The following IL3RA variants were observed in gnomAD, a reference collection of about 807,000 sequenced individuals.
IL3RA encodes interleukin 3 receptor subunit alpha, also known as interleukin-3 receptor subunit alpha.
A neutral mutation model predicts 52.3 loss-of-function variants in IL3RA; 73 were observed. The ratio of observed to expected loss-of-function variants is 1.40; its 90% confidence interval spans 1.16 to 1.70. The LOEUF (loss-of-function observed/expected upper bound fraction) is 1.70. IL3RA is among the 40% of genes most tolerant of loss of function. IL3RA has a pLI of 0.00. For synonymous variants in IL3RA, 260 were observed against 194.0 expected (o/e 1.34, Z -2.83); for missense variants, 664 against 504.4 (o/e 1.32, Z -3.03).
chrX:1,352,136 G>C lies in IL3RA; in HGVS notation c.335G>C (p.Cys112Ser), dbSNP rs749268568. 6.2e-7 allele frequency: 1 copy of C among 1,613,834 alleles called. No homozygotes were observed. Among genetic ancestry groups the C allele is most frequent in the Non-Finnish European group, 8.5e-7 (1 of 1,179,812 alleles). Reference protein sequence around the residue: ...KPWAGAENLTCWIHDVDFLSC... With the variant: ...KPWAGAENLTSWIHDVDFLSC... The stretch of plus-strand genomic sequence containing the variant: ...TGGGCAGGTGCGGAGAATCTGACCT[G>C]CTGGATTCATGACGTGGATTTCTTG... Residue 112 changes from cysteine to serine, a missense_variant, in exon 5 of 12, where the codon TGC becomes TCC. By Grantham distance (112) the Cys-to-Ser change is moderately radical. Coordinates refer to ENST00000331035, the MANE Select transcript of IL3RA (RefSeq NM_002183.4).
At chrX:1,381,968 C>T (rs73178972) in intron 11 of IL3RA, among the ~76,000 whole-genome samples, 4,018 of 150,728 alleles carry the variant, frequency 0.027, 72 homozygotes, top group Middle Eastern at 0.054. Context: ...GTTTTTGAGA[C>T]GCAGTTTTGT....
intron 10 of IL3RA, among the ~76,000 whole-genome samples, chrX:1,379,032 G>C (rs1182892250): frequency 6.6e-6 from 1 of 152,014 alleles, no homozygotes; most frequent in South Asian, 2.1e-4. Flanking sequence ...TAGTAGAGAC[G>C]GGGTTTTGCC....
chrX:1,365,257 G>A lies in IL3RA; in HGVS notation c.874+5G>A, dbSNP rs765787040. On this transcript the variant is annotated splice_donor_5th_base_variant and intron_variant, in intron 9 of 11. Coordinates refer to ENST00000331035, the MANE Select transcript of IL3RA (RefSeq NM_002183.4). ...GGAGCACCCCCCAGCGCTTCGGTGA[G>A]TGGGCTGTGCGGGGTGCGCGGGGTG... 5 of 1,601,336 alleles carry A rather than the reference G, an allele frequency of 3.1e-6. No homozygotes were observed. Among genetic ancestry groups the A allele is most frequent in the Non-Finnish European group, 4.3e-6 (5 of 1,172,220 alleles).
chrX:1,367,658 G>C (rs1423421766), intron 9 of IL3RA, among the ~76,000 whole-genome samples: 2 of 109,356 alleles, frequency 1.8e-5, no homozygotes, highest in African/African-American at 7.4e-5. Context: ...GGGTGCGCGG[G>C]GTGAGCCGGG....
chrX:1,377,667 G>GTT (rs754580891), intron 9 of IL3RA, among the ~76,000 whole-genome samples: 5 of 135,926 alleles, frequency 3.7e-5, no homozygotes, highest in African/African-American at 5.4e-5. Flanking sequence ...ATAGATGTAT[G>GTT]TTTTTTTTTT....
intron 4 of IL3RA, 60 bp downstream of exon 4, chrX:1,348,605 T>C (rs1464158328): frequency 1.7e-6 from 2 of 1,191,576 alleles, no homozygotes; most frequent in Non-Finnish European, 1.3e-6. Flanking sequence ...CCTCTCTCCC[T>C]CCCTCTCGCC....
chrX:1,382,522 C>T lies in IL3RA; in HGVS notation c.*57C>T. On this transcript the variant is annotated 3_prime_UTR_variant, in exon 12 of 12. Coordinates refer to ENST00000331035, the MANE Select transcript of IL3RA (RefSeq NM_002183.4). Reference sequence around the variant, plus strand: ...TCAATCTCCCTGGCCGGGCCAGGCGCCTGCACAGACTGGCTGCTGGACCTG... The same window carrying T: ...TCAATCTCCCTGGCCGGGCCAGGCGTCTGCACAGACTGGCTGCTGGACCTG... The T allele has an allele frequency of 1.3e-6, 2 of 1,488,672 alleles. No homozygotes were observed. Among genetic ancestry groups the T allele is most frequent in the Admixed American group, 3.3e-5 (2 of 59,830 alleles). The allele number at this position is 1,488,672 out of a possible 1,614,324, so 92.2% of individuals were successfully genotyped here. A position where few individuals can be genotyped will look rare whatever the true frequency, so the allele number is the denominator to read the frequency against.
Position 1,348,525 on chromosome X carries a change from G to C in IL3RA, c.278G>C (p.Trp93Ser). 1.2e-6 allele frequency: 2 copies of C among 1,613,328 alleles called. No homozygotes were observed. Among genetic ancestry groups the C allele is most frequent in the Non-Finnish European group, 1.7e-6 (2 of 1,179,434 alleles). The change falls in exon 4 of 12, where the codon TGG (tryptophan) becomes TCG (serine). Residue 93 changes from tryptophan (W) to serine (S), a missense_variant. By Grantham distance (177) the Trp-to-Ser change is radical. Transcript: ENST00000331035. ...GTGGCCAACCCACCATTCTCCACGTGGATCCTCTTCCCTGAGAACAGTGAG... is the reference window on the plus strand; with the variant it reads ...GTGGCCAACCCACCATTCTCCACGTCGATCCTCTTCCCTGAGAACAGTGAG... ...VRVANPPFST[W>S]ILFPENSGKP...
At chrX:1,355,506 A>T (rs1384119063) in intron 6 of IL3RA, among the ~76,000 whole-genome samples, 7 of 147,540 alleles carry the variant, frequency 4.7e-5, no homozygotes, top group African/African-American at 1.8e-4. Context: ...ACTTCCTTCC[A>T]GGGGCCCAGG....
chrX:1,344,158 G>C, intron 2 of IL3RA, among the ~76,000 whole-genome samples: 1 of 152,196 alleles, frequency 6.6e-6, no homozygotes, highest in Non-Finnish European at 1.5e-5. Flanking sequence ...TCCCAGCCAG[G>C]CTCAGTAACT....
intron 7 of IL3RA, among the ~76,000 whole-genome samples, chrX:1,356,613 CGAAA>C (rs1477118610): frequency 6.6e-6 from 1 of 151,738 alleles, no homozygotes; most frequent in Admixed American, 6.6e-5. Flanking sequence ...ACTAAAAATA[CGAAA>C]AAAAATTAGC....
At chrX:1,351,543 G>A (rs1184283531) in intron 4 of IL3RA, among the ~76,000 whole-genome samples, 9 of 151,244 alleles carry the variant, frequency 6.0e-5, no homozygotes, top group African/African-American at 1.7e-4. Context: ...TAGCCAGGCC[G>A]GTCTCGAACT....
chrX:1,365,238 C>T lies in IL3RA; in HGVS notation c.860C>T (p.Thr287Ile), dbSNP rs200892999. 4.4e-6 allele frequency: 7 copies of T among 1,603,902 alleles called. No individual in the cohort carries two copies. Among genetic ancestry groups the T allele is most frequent in the African/African-American group, 2.7e-5 (2 of 74,470 alleles). ...TATGAATTCTTGAGCGCCTGGAGCA[C>T]CCCCCAGCGCTTCGGTGAGTGGGCT... ...RVYEFLSAWS[T>I]PQRFECDQEE... The change falls in exon 9 of 12, where the codon ACC becomes ATC. Residue 287 changes from threonine (T) to isoleucine (I), a missense_variant. Transcript: ENST00000331035.
intron 7 of IL3RA, among the ~76,000 whole-genome samples, chrX:1,357,555 G>A (rs1220325033): frequency 6.7e-6 from 1 of 148,874 alleles, no homozygotes; most frequent in Admixed American, 6.8e-5. Flanking sequence ...GTAGAGATGG[G>A]GTTTCACCAT....
chrX:1,341,671 A>G (rs1269902980), intron 1 of IL3RA, 57 bp from the exon 2 acceptor site: 107 of 1,404,994 alleles, frequency 7.6e-5, no homozygotes, highest in Non-Finnish European at 1.0e-4. Context: ...ATCCTTCATT[A>G]CCCGCAACCC....
rs1226746388 is a variant in IL3RA at position 1,378,736 on chromosome X, C to T, written c.952C>T (p.Leu318=). ...LLIALGTLLA[L]VCVFVICRRY... ...GATCGCGCTGGGGACGCTGCTGGCC[C>T]TGGTCTGTGTCTTCGTGATCTGCAG... The change falls in exon 10 of 12, where the codon CTG becomes TTG. Residue 318 remains leucine, a synonymous_variant. Transcript: ENST00000331035. 4.3e-6 allele frequency: 7 copies of T among 1,612,506 alleles called. No homozygotes were observed. Among genetic ancestry groups the T allele is most frequent in the Non-Finnish European group, 5.9e-6 (7 of 1,179,844 alleles).
chrX:1,345,233 C>CAA (rs112995756), intron 2 of IL3RA, 83 bp from the exon 3 acceptor site: 272,765 of 668,178 alleles, frequency 0.41, 26,205 homozygotes, highest in Admixed American at 0.47. Flanking sequence ...ACTCCACGGG[C>CAA]AAAAAAAAAA....
At chrX:1,363,505 G>A (rs1424518071) in intron 8 of IL3RA, among the ~76,000 whole-genome samples, 3 of 149,628 alleles carry the variant, frequency 2.0e-5, no homozygotes, top group Admixed American at 6.7e-5. Context: ...TTTCACTGTG[G>A]TCTCGATCTC....
At chrX:1,357,256 T>C (rs1466405933) in intron 7 of IL3RA, among the ~76,000 whole-genome samples, 1 of 150,632 alleles carries the variant, frequency 6.6e-6, no homozygotes, top group African/African-American at 2.4e-5. Context: ...GCGCAGCCTA[T>C]GTGTTATATT....
Sources: gnomAD v4.1 joint callset for allele counts (sites outside exome capture counted in the v4.1 genomes callset) on GRCh38, gnomAD v4.1.1 for gene constraint, MANE v1.5 for transcripts, NCBI Gene and HGNC (gene_info 2026-07-23, HGNC 2026-07-21) for gene names.